Variants in NRXN3 observed in about 807,000 individuals in gnomAD.
NRXN3 encodes neurexin III.
In NRXN3, 32 loss-of-function variants were observed where a neutral mutation model predicts 137.6. The observed-to-expected ratio is 0.23, with a 90% CI of 0.18 to 0.31. NRXN3 has a LOEUF of 0.31. Among genes scored for constraint, NRXN3 ranks in the 10% least tolerant of loss-of-function variants. The probability of loss-of-function intolerance (pLI) is 1.00; values close to 1 mark genes in which losing one functional copy is unlikely to be tolerated. For missense variants in NRXN3, 1,574 were observed against 2,062.5 expected, an observed-to-expected ratio of 0.76 and a Z score of 4.59; for synonymous variants, 798 against 784.5, an observed-to-expected ratio of 1.02 and a Z score of -0.29.
At chr14:78,726,966 A>G (rs2098487137) in intron 8 of NRXN3, among the ~76,000 whole-genome samples, 1 of 150,910 alleles carries the variant, frequency 6.6e-6, no homozygotes, top group South Asian at 2.1e-4. Flanking sequence ...CACTAAAAAA[A>G]AAAAAAAAAA....
intron 15 of NRXN3, among the ~76,000 whole-genome samples, chr14:79,064,739 G>GTGTATATATA (rs67417652): frequency 7.1e-6 from 1 of 140,574 alleles, no homozygotes; most frequent in African/African-American, 2.7e-5. Context: ...ATATGTATAT[G>GTGTATATATA]TATATATATA....
intron 15 of NRXN3, among the ~76,000 whole-genome samples, chr14:79,210,537 T>C (rs990344477): frequency 2.0e-5 from 3 of 152,168 alleles, no homozygotes; most frequent in Non-Finnish European, 2.9e-5. Flanking sequence ...TTGTGGGCAG[T>C]AGAAATTATT....
chr14:79,172,256 T>A (rs1367531071), intron 15 of NRXN3, among the ~76,000 whole-genome samples: 1 of 151,970 alleles, frequency 6.6e-6, no homozygotes. Flanking sequence ...ATAATACTTA[T>A]TAGTCCCCCA....
chr14:78,722,176 G>T (rs529283989), intron 8 of NRXN3, among the ~76,000 whole-genome samples: 1 of 152,288 alleles, frequency 6.6e-6, no homozygotes, highest in African/African-American at 2.4e-5. Flanking sequence ...ACAGGCTGGG[G>T]ACTTTGGAGA....
intron 15 of NRXN3, among the ~76,000 whole-genome samples, chr14:79,053,637 G>C (rs201834780): frequency 4.3e-3 from 7 of 1,614 alleles, no homozygotes; most frequent in Non-Finnish European, 0.029. Context: ...TGTGTGTGTT[G>C]TGTGTGTGTG....
intron 2 of NRXN3, among the ~76,000 whole-genome samples, chr14:78,245,918 A>T (rs2067608911): frequency 1.3e-5 from 2 of 152,192 alleles, no homozygotes. Context: ...CATTTTGGGA[A>T]TGTGGTTATT....
At chr14:78,294,280 C>T (rs970339920) in intron 3 of NRXN3, among the ~76,000 whole-genome samples, 10 of 152,072 alleles carry the variant, frequency 6.6e-5, no homozygotes, top group Admixed American at 4.6e-4. Flanking sequence ...TCAGGCTGGG[C>T]GTGGTGGCTT....
chr14:78,338,830 A>G (rs2081815325), intron 4 of NRXN3, among the ~76,000 whole-genome samples: 1 of 152,172 alleles, frequency 6.6e-6, no homozygotes, highest in South Asian at 2.1e-4. Flanking sequence ...ACACTTTAAC[A>G]CTTGAAAGGG....
rs34485878 is a variant in NRXN3, at chr14:78,568,961, G to GTTTTTTTT, written c.758-76142_758-76135dup. Among the ~76,000 whole-genome samples the GTTTTTTTT allele has an allele frequency of 9.1e-4, 94 of 103,738 alleles. 1 individual carries two copies. The highest frequency in any genetic ancestry group is 1.3e-3 in the African/African-American group (31 of 24,448). The allele number at this position is 103,738 out of a possible 152,430, so 68.1% of individuals were successfully genotyped here. A position where few individuals can be genotyped will look rare whatever the true frequency, so the allele number is the denominator to read the frequency against. On this transcript the variant is annotated intron_variant, in intron 4 of 20. Coordinates refer to ENST00000335750, the MANE Select transcript of NRXN3 (RefSeq NM_001330195.2). ...TGTGGTGGGAAATATGACTTTGCAG[G>GTTTTTTTT]TTTTTTTTTTTTTTTTTTTTTTTTG...
intron 6 of NRXN3, among the ~76,000 whole-genome samples, chr14:78,698,747 G>A (rs2098251490): frequency 6.6e-6 from 1 of 152,006 alleles, no homozygotes; most frequent in South Asian, 2.1e-4. Flanking sequence ...CTGGGGTGCA[G>A]AACTTTCCAT....
intron 15 of NRXN3, among the ~76,000 whole-genome samples, chr14:79,160,445 T>C (rs1163349020): frequency 6.6e-6 from 1 of 151,960 alleles, no homozygotes; most frequent in Non-Finnish European, 1.5e-5. Context: ...TCACACATCG[T>C]GTGATTGTGC....
At chr14:78,627,104 TTCTCTCTC>T (rs68104206) in intron 4 of NRXN3, among the ~76,000 whole-genome samples, 29,895 of 120,960 alleles carry the variant, frequency 0.25, 3,338 homozygotes, top group African/African-American at 0.34. Flanking sequence ...CCTCCCTCCC[TTCTCTCTC>T]TCTCTCTCTC....
intron 8 of NRXN3, among the ~76,000 whole-genome samples, chr14:78,734,972 T>G (rs2098534964): frequency 6.6e-6 from 1 of 152,094 alleles, no homozygotes; most frequent in African/African-American, 2.4e-5. Context: ...CATGACCAGA[T>G]TTGCTTTTTT....
At position 79,018,295 on chromosome 14, in the gene NRXN3, A is replaced by AAG. The variant is rs1319003624; in HGVS notation, c.3262+30163_3262+30164dup. 4.2e-3 allele frequency among the ~76,000 whole-genome samples: 67 copies of AAG among 16,038 alleles called. 7 individuals are homozygous for AAG. The highest frequency in any genetic ancestry group is 5.8e-3 in the African/African-American group (64 of 10,946). The allele number at this position is 16,038 out of a possible 152,430, so 10.5% of individuals were successfully genotyped here. On this transcript the variant is annotated intron_variant, in intron 15 of 20. Coordinates refer to ENST00000335750, the MANE Select transcript of NRXN3 (RefSeq NM_001330195.2). ...AAAAAAAAAAAAAAAAAAAAAAAAA[A>AAG]AGAGAGAGAGCAAGAAGAGTGAAAG...
intron 4 of NRXN3, among the ~76,000 whole-genome samples, chr14:78,630,349 A>G (rs2097507386): frequency 6.6e-6 from 1 of 152,220 alleles, no homozygotes; most frequent in Non-Finnish European, 1.5e-5. Context: ...AATAACATTA[A>G]CAAATTTTGT....
chr14:79,069,969 A>G (rs566601869), intron 15 of NRXN3, among the ~76,000 whole-genome samples: 2 of 152,274 alleles, frequency 1.3e-5, no homozygotes, highest in East Asian at 3.9e-4. Context: ...TAAGCAGGAT[A>G]TGACAGTCAA....
At chr14:78,456,432 G>C (rs1210321929) in intron 4 of NRXN3, among the ~76,000 whole-genome samples, 1 of 152,178 alleles carries the variant, frequency 6.6e-6, no homozygotes, top group African/African-American at 2.4e-5. Flanking sequence ...AGGGTTTTCT[G>C]CTTTAATGAC....
chr14:79,758,793 G>A (rs1264701743), intron 19 of NRXN3, among the ~76,000 whole-genome samples: 3 of 152,074 alleles, frequency 2.0e-5, no homozygotes, highest in Admixed American at 1.3e-4. Flanking sequence ...AAACCTTAAC[G>A]GGACTGTTGT....
intron 4 of NRXN3, among the ~76,000 whole-genome samples, chr14:78,569,209 T>C (rs12100535): frequency 0.06 from 9,052 of 151,474 alleles, 449 homozygotes; most frequent in African/African-American, 0.15. Context: ...TCTCAGGTGA[T>C]CTTCCCGCCT....
Sources: allele counts gnomAD v4.1 joint callset (sites outside exome capture counted in the v4.1 genomes callset), GRCh38; gene constraint gnomAD v4.1.1; transcripts MANE v1.5; gene names NCBI Gene and HGNC (gene_info 2026-07-23, HGNC 2026-07-21).